ARHGEF10: variants seen among roughly 807,000 people sequenced by gnomAD.
ARHGEF10 encodes the protein Rho guanine nucleotide exchange factor (GEF) 10.
Under a neutral mutation model 147.4 loss-of-function variants are expected in ARHGEF10, and 140 were observed. The ratio of observed to expected loss-of-function variants is 0.95; its 90% CI spans 0.83 to 1.09. The LOEUF (loss-of-function observed/expected upper bound fraction) is 1.09, where lower values mean the gene tolerates loss of function less well. Among genes scored for constraint, ARHGEF10 ranks in the 50% least tolerant of loss-of-function variants. The pLI, the probability that ARHGEF10 is intolerant of heterozygous loss-of-function variation, is 0.00. For missense variants in ARHGEF10, 2,222 were observed against 1,752.7 expected, an observed-to-expected ratio of 1.27 and a Z score of -4.78; for synonymous variants, 902 against 695.8, an observed-to-expected ratio of 1.30 and a Z score of -4.67.
intron 17 of ARHGEF10, 83 bp downstream of exon 17, chr8:1,905,799 T>C: frequency 6.4e-7 from 1 of 1,560,234 alleles, no homozygotes; most frequent in Non-Finnish European, 8.8e-7. Flanking sequence ...CTTTGTTAAT[T>C]CTGTCACTCA....
intron 25 of ARHGEF10, among the ~76,000 whole-genome samples, chr8:1,930,849 G>A (rs899801868): frequency 2.2e-4 from 34 of 152,354 alleles, no homozygotes; most frequent in African/African-American, 7.7e-4. Flanking sequence ...AGTAAGCACA[G>A]GAGCCGCTCC....
At chr8:1,882,990 C>T (rs1808349164) in intron 10 of ARHGEF10, among the ~76,000 whole-genome samples, 3 of 152,300 alleles carry the variant, frequency 2.0e-5, no homozygotes, top group South Asian at 4.1e-4. Flanking sequence ...CATTGAGAAT[C>T]ACTGGCTGGA....
chr8:1,926,174 T>G (rs1030755416), intron 22 of ARHGEF10, among the ~76,000 whole-genome samples: 4 of 152,346 alleles, frequency 2.6e-5, no homozygotes, highest in African/African-American at 9.6e-5. Context: ...TTGAATCTCC[T>G]TAGGTGTTCA....
chr8:1,859,052 A>C (rs1805850735), intron 3 of ARHGEF10, among the ~76,000 whole-genome samples: 1 of 149,412 alleles, frequency 6.7e-6, no homozygotes, highest in African/African-American at 2.5e-5. Flanking sequence ...TGGCCATAGC[A>C]CCTGCCTCTT....
At chr8:1,889,487 TGAGGGGTCTGTGAGGAGACACTGAGTG>T (rs1809210621) in intron 11 of ARHGEF10, among the ~76,000 whole-genome samples, 1 of 34,652 alleles carries the variant, frequency 2.9e-5, no homozygotes, top group African/African-American at 1.7e-4. Context: ...CTGAGTGGGG[TGAGGGGTCTGTGAGGAGACACTGAGTG>T]GGGTGAGGGG....
At chr8:1,919,699 G>T (rs532624912) in intron 18 of ARHGEF10, among the ~76,000 whole-genome samples, 24 of 149,540 alleles carry the variant, frequency 1.6e-4, no homozygotes, top group Non-Finnish European at 2.4e-4. Flanking sequence ...CTGTTTTGTG[G>T]GTGATGGAGC....
At chr8:1,840,129 G>T (rs1803902681) in intron 1 of ARHGEF10, among the ~76,000 whole-genome samples, 1 of 135,128 alleles carries the variant, frequency 7.4e-6, no homozygotes. Context: ...GGACTGTCCT[G>T]TGTGGAAGCT....
In ARHGEF10 at chr8:1,928,663, C is replaced by G; in HGVS notation, c.2921+13C>G. ...CGGAGGAGGGAAGGTAGGGCATGCT[C>G]ACTGCGTTACAGAGAATTAGCAAGC... On this transcript the variant is annotated intron_variant, in intron 24 of 28. Coordinates refer to ENST00000349830, the MANE Select transcript of ARHGEF10 (RefSeq NM_014629.4). 1.2e-6 allele frequency: 2 copies of G among 1,613,314 alleles called. No individual in the cohort carries two copies. The highest frequency in any genetic ancestry group is 1.7e-6 in the Non-Finnish European group (2 of 1,179,668).
At chr8:1,846,816 A>T (rs1196746502) in intron 2 of ARHGEF10, among the ~76,000 whole-genome samples, 1 of 152,178 alleles carries the variant, frequency 6.6e-6, no homozygotes. Flanking sequence ...ACCTCAAGTG[A>T]TCTGCCCACG....
chr8:1,833,109 CAG>C (rs1803335467), intron 1 of ARHGEF10, among the ~76,000 whole-genome samples: 3 of 110,784 alleles, frequency 2.7e-5, no homozygotes, highest in Non-Finnish European at 3.8e-5. Context: ...GAGACAGAGA[CAG>C]AGGCAGAGAG....
At chr8:1,877,809 G>C (rs1318323238) in intron 8 of ARHGEF10, among the ~76,000 whole-genome samples, 1 of 152,086 alleles carries the variant, frequency 6.6e-6, no homozygotes, top group Non-Finnish European at 1.5e-5. Flanking sequence ...GTGAGGCTGA[G>C]ATGGAAGCCA....
Position 1,882,695 on chromosome 8 carries a change from G to A in ARHGEF10, c.1021G>A (p.Ala341Thr), listed in dbSNP as rs996293023. The change falls in exon 10 of 29, where the codon GCA (alanine) becomes ACA (threonine). Residue 341 changes from alanine (A) to threonine (T), a missense_variant. By Grantham distance (58) the Ala-to-Thr change is moderately conservative. Coordinates refer to ENST00000349830, the MANE Select transcript of ARHGEF10 (RefSeq NM_014629.4). ...CAAGGACGGGCTGGAGAGGACCAGGGCAGCCGTGAAGAGGGGCCGCTCCTT... is the reference window on the plus strand; with the variant it reads ...CAAGGACGGGCTGGAGAGGACCAGGACAGCCGTGAAGAGGGGCCGCTCCTT... ...GTKDGLERTRAAVKRGRSFIR... is the reference protein window; with the variant it reads ...GTKDGLERTRTAVKRGRSFIR... 5.8e-6 allele frequency: 9 copies of A among 1,557,138 alleles called. No individual in the cohort carries two copies. Among genetic ancestry groups the A allele is most frequent in the African/African-American group, 1.4e-5 (1 of 73,578 alleles).
chr8:1,958,463 G>T lies in ARHGEF10; in HGVS notation c.*1200G>T, dbSNP rs1340122089. ...CAAGAAAAAAATCCTAACACAGGCA[G>T]GCACCAGAAATAAATGTCTCAGCAC... On this transcript the variant is annotated 3_prime_UTR_variant, in exon 29 of 29. Coordinates refer to ENST00000349830, the MANE Select transcript of ARHGEF10 (RefSeq NM_014629.4). 6.6e-6 allele frequency: 1 copy of T among 152,192 alleles called. No homozygotes were observed. Among genetic ancestry groups the T allele is most frequent in the African/African-American group, 2.4e-5 (1 of 41,432 alleles). 9.4% of individuals were successfully genotyped at this position (152,192 alleles called of 1,614,324 possible). A position where few individuals can be genotyped will look rare whatever the true frequency, so the allele number is the denominator to read the frequency against.
intron 18 of ARHGEF10, among the ~76,000 whole-genome samples, chr8:1,913,486 T>A (rs1811528127): frequency 6.6e-6 from 1 of 152,248 alleles, no homozygotes; most frequent in East Asian, 1.9e-4. Context: ...TATTTAATCC[T>A]TAAAAATGAA....
At chr8:1,895,535 A>G (rs1668151403) in intron 13 of ARHGEF10, among the ~76,000 whole-genome samples, 1 of 152,238 alleles carries the variant, frequency 6.6e-6, no homozygotes, top group African/African-American at 2.4e-5. Context: ...TTAAAAAAAG[A>G]GAAATATTGG....
In ARHGEF10 at chr8:1,869,217, G is replaced by C. The variant is rs1031677283; in HGVS notation, c.646G>C (p.Asp216His). 1.9e-6 allele frequency: 3 copies of C among 1,614,106 alleles called. No individual in the cohort carries two copies. The highest frequency in any genetic ancestry group is 2.5e-6 in the Non-Finnish European group (3 of 1,179,924). ...MENPEEAIYD[D>H]VPRENSDSEP... Reference sequence around the variant, plus strand: ...AGATCCAGAGGAAGCAATTTACGATGACGTTCCAAGGGAAAACTCAGACTC... The same window carrying C: ...AGATCCAGAGGAAGCAATTTACGATCACGTTCCAAGGGAAAACTCAGACTC... Residue 216 changes from aspartate (D) to histidine (H), a missense_variant, in exon 7 of 29, where the codon GAC becomes CAC. By Grantham distance (81) the Asp-to-His change is moderately conservative. Transcript: ENST00000349830.
In ARHGEF10 at chr8:1,922,945, C is replaced by A; in HGVS notation, c.2144-19C>A. 1 of 1,531,688 alleles carries A rather than the reference C, an allele frequency of 6.5e-7. No individual in the cohort carries two copies. Among genetic ancestry groups the A allele is most frequent in the Non-Finnish European group, 9.0e-7 (1 of 1,114,402 alleles). 94.9% of individuals were successfully genotyped at this position (1,531,688 alleles called of 1,614,324 possible). On this transcript the variant is annotated intron_variant, in intron 18 of 28. Coordinates refer to ENST00000349830, the MANE Select transcript of ARHGEF10 (RefSeq NM_014629.4). ...CTTTACCTTTGTATTCTTTTTTTTT[C>A]TTTTTGCTTATTTTGTAGACAAAGT...
chr8:1,949,456 C>T (rs1814853065), intron 27 of ARHGEF10, among the ~76,000 whole-genome samples: 1 of 152,140 alleles, frequency 6.6e-6, no homozygotes, highest in South Asian at 2.1e-4. Flanking sequence ...CGAGTGAGTT[C>T]ACGGCGCCTC....
At chr8:1,918,037 C>G (rs1811890539) in intron 18 of ARHGEF10, among the ~76,000 whole-genome samples, 1 of 152,114 alleles carries the variant, frequency 6.6e-6, no homozygotes, top group Admixed American at 6.5e-5. Context: ...ATCCACCTAC[C>G]TTGGCCTCCC....
Sources: gnomAD v4.1 joint callset for allele counts (sites outside exome capture counted in the v4.1 genomes callset) on GRCh38, gnomAD v4.1.1 for gene constraint, MANE v1.5 for transcripts, NCBI Gene and HGNC (gene_info 2026-07-23, HGNC 2026-07-21) for gene names.